The following TMEM117 variants were observed in gnomAD, a reference collection of about 807,000 sequenced individuals.
TMEM117 encodes the protein transmembrane protein 117.
A neutral mutation model predicts 52.4 loss-of-function variants in TMEM117; 27 were observed. The observed-to-expected ratio is 0.51, with a 90% CI of 0.38 to 0.71. The LOEUF (loss-of-function observed/expected upper bound fraction) is 0.71. Ranked by LOEUF, TMEM117 falls within the 30% of genes least tolerant of loss-of-function variation. The pLI is 0.00. For missense variants in TMEM117, 556 were observed against 630.5 expected, an observed-to-expected ratio of 0.88 and a Z score of 1.26; for synonymous variants, 215 against 206.3, an observed-to-expected ratio of 1.04 and a Z score of -0.36.
intron 6 of TMEM117, among the ~76,000 whole-genome samples, chr12:44,371,888 A>G (rs984808553): frequency 6.6e-6 from 1 of 152,212 alleles, no homozygotes; most frequent in Non-Finnish European, 1.5e-5. Flanking sequence ...TAAACCATCC[A>G]TATATGTAAA....
intron 3 of TMEM117, among the ~76,000 whole-genome samples, chr12:44,129,393 C>T (rs949207477): frequency 6.6e-6 from 1 of 152,152 alleles, no homozygotes; most frequent in African/African-American, 2.4e-5. Flanking sequence ...AGCAGATCTC[C>T]TCTTTTCCTC....
At chr12:44,054,813 A>G (rs888730473) in intron 3 of TMEM117, among the ~76,000 whole-genome samples, 9 of 150,886 alleles carry the variant, frequency 6.0e-5, no homozygotes, top group Admixed American at 4.0e-4. Context: ...ACATATGTAT[A>G]CATGTTCCAT....
intron 4 of TMEM117, among the ~76,000 whole-genome samples, chr12:44,165,374 A>C (rs1260360608): frequency 6.6e-6 from 1 of 152,234 alleles, no homozygotes; most frequent in African/African-American, 2.4e-5. Context: ...CCTATCAGTA[A>C]ACTTCAATCT....
chr12:44,071,186 A>G (rs1223572044), intron 3 of TMEM117, among the ~76,000 whole-genome samples: 3 of 152,184 alleles, frequency 2.0e-5, no homozygotes, highest in African/African-American at 7.2e-5. Context: ...CTGGGTTTCC[A>G]AATAGCTCTG....
intron 6 of TMEM117, among the ~76,000 whole-genome samples, chr12:44,340,281 G>A (rs1443691360): frequency 6.6e-6 from 1 of 152,072 alleles, no homozygotes; most frequent in South Asian, 2.1e-4. Context: ...AGACTATAAA[G>A]AGAAAGTTGA....
At chr12:43,967,347 C>T (rs911975590) in intron 3 of TMEM117, among the ~76,000 whole-genome samples, 7 of 152,130 alleles carry the variant, frequency 4.6e-5, no homozygotes, top group Admixed American at 4.6e-4. Flanking sequence ...TGGTCTTGAA[C>T]TCCTGGACTC....
chr12:43,957,442 T>C (rs530919515), intron 3 of TMEM117, among the ~76,000 whole-genome samples: 1 of 152,364 alleles, frequency 6.6e-6, no homozygotes, highest in South Asian at 2.1e-4. Flanking sequence ...GCATTATTTA[T>C]ATATAGGAAT....
Position 43,890,706 on chromosome 12 carries a change from A to G in TMEM117, c.277+45778A>G, listed in dbSNP as rs564858830. On this transcript the variant is annotated intron_variant, in intron 2 of 7. Transcript: ENST00000266534. Reference sequence around the variant, plus strand: ...GCCACCACACCCGGCTAGTTTTTGTATTTTCAGTAGAGACGGGGTTTCACC... The same window carrying G: ...GCCACCACACCCGGCTAGTTTTTGTGTTTTCAGTAGAGACGGGGTTTCACC... 2.6e-3 allele frequency among the ~76,000 whole-genome samples: 397 copies of G among 151,744 alleles called. 2 individuals carry two copies. Among genetic ancestry groups the G allele is most frequent in the African/African-American group, 9.3e-3 (384 of 41,354 alleles).
chr12:44,169,241 G>A (rs1182254162), intron 4 of TMEM117, among the ~76,000 whole-genome samples: 2 of 152,094 alleles, frequency 1.3e-5, no homozygotes, highest in African/African-American at 4.8e-5. Context: ...GGATCATATG[G>A]TAATTCTATG....
chr12:44,028,799 C>T (rs747844914), intron 3 of TMEM117, among the ~76,000 whole-genome samples: 5 of 152,190 alleles, frequency 3.3e-5, no homozygotes, highest in African/African-American at 4.8e-5. Flanking sequence ...GCCTTCACTT[C>T]GCACTGTGGA....
At chr12:44,083,030 T>A (rs1947507623) in intron 3 of TMEM117, among the ~76,000 whole-genome samples, 1 of 152,166 alleles carries the variant, frequency 6.6e-6, no homozygotes, top group Admixed American at 6.5e-5. Flanking sequence ...TAGTAAAACA[T>A]TCCATTGTGT....
intron 3 of TMEM117, among the ~76,000 whole-genome samples, chr12:43,963,596 A>T (rs1035149055): frequency 6.6e-6 from 1 of 152,338 alleles, no homozygotes; most frequent in East Asian, 1.9e-4. Flanking sequence ...TTTCCCTGAC[A>T]TCAAACAGAG....
intron 5 of TMEM117, chr12:44,244,318 C>T (rs1340603439): frequency 6.6e-6 from 1 of 151,998 alleles, no homozygotes; most frequent in Non-Finnish European, 1.5e-5. Context: ...GCTATTCTAA[C>T]AGGTGTGAGG....
chr12:44,385,324 G>A (rs1952074046), intron 7 of TMEM117, among the ~76,000 whole-genome samples: 1 of 152,164 alleles, frequency 6.6e-6, no homozygotes, highest in Admixed American at 6.5e-5. Flanking sequence ...ATAATAAAAA[G>A]TGATCCTTGG....
At chr12:43,898,359 A>C (rs1215074014) in intron 2 of TMEM117, among the ~76,000 whole-genome samples, 1 of 148,602 alleles carries the variant, frequency 6.7e-6, no homozygotes, top group Non-Finnish European at 1.5e-5. Flanking sequence ...TGTGATTAAT[A>C]TATATTATTA....
At chr12:44,330,213 A>G (rs1951250712) in intron 6 of TMEM117, among the ~76,000 whole-genome samples, 1 of 151,956 alleles carries the variant, frequency 6.6e-6, no homozygotes. Context: ...GTGGTATCTC[A>G]TTGTGGTTTT....
chr12:43,896,256 C>A (rs1944200238), intron 2 of TMEM117, among the ~76,000 whole-genome samples: 1 of 152,212 alleles, frequency 6.6e-6, no homozygotes, highest in Non-Finnish European at 1.5e-5. Flanking sequence ...TCCTTACCCT[C>A]AGGAGGTTCT....
intron 2 of TMEM117, among the ~76,000 whole-genome samples, chr12:43,855,524 A>G (rs1943385647): frequency 6.6e-6 from 1 of 152,234 alleles, no homozygotes; most frequent in Non-Finnish European, 1.5e-5. Context: ...AATACATGCT[A>G]AAGATGTACT....
intron 4 of TMEM117, among the ~76,000 whole-genome samples, chr12:44,170,008 A>G (rs570630411): frequency 1.8e-3 from 267 of 152,246 alleles, no homozygotes; most frequent in Non-Finnish European, 3.1e-3. Flanking sequence ...TGTTTATTGC[A>G]GCACTATTCA....
Sources: gnomAD v4.1 joint callset for allele counts (sites outside exome capture counted in the v4.1 genomes callset) on GRCh38, gnomAD v4.1.1 for gene constraint, MANE v1.5 for transcripts, NCBI Gene and HGNC (gene_info 2026-07-23, HGNC 2026-07-21) for gene names.